The following CACNA1F variants were observed in gnomAD, a reference collection of about 807,000 sequenced individuals.
CACNA1F encodes the protein calcium voltage-gated channel subunit alpha1 F.
CACNA1F carries 59 observed loss-of-function variants against 143.8 expected under a neutral mutation model. That is an observed-to-expected ratio of 0.41 (90% CI 0.33 to 0.51). The LOEUF is 0.51. Ranked by LOEUF, CACNA1F falls within the 20% of genes least tolerant of loss-of-function variation. The pLI, the probability that CACNA1F is intolerant of heterozygous loss-of-function variation, is 0.22. For synonymous variants in CACNA1F, 643 were observed against 649.1 expected (o/e 0.99, Z 0.14); for missense variants, 1,411 against 1,647.5 (o/e 0.86, Z 2.48).
chrX:49,209,422 G>A (rs1306304062), intron 41 of CACNA1F, 29 bp from the exon 42 acceptor site: 27 of 1,200,708 alleles, frequency 2.2e-5, no homozygotes, highest in Non-Finnish European at 2.9e-5. Flanking sequence ...AGGTAAGCAG[G>A]CAGCTCAGGG....
In CACNA1F at chrX:49,224,858, T is replaced by A; in HGVS notation, c.1780A>T (p.Ile594Phe). ...RFDCFVVCGG[I>F]LETTLVEVGA... ...ACCTCCACCAAGGTGGTCTCTAGGATGCCCCCACAGACCACAAAGCAGTCA... is the reference window on the plus strand; with the variant it reads ...ACCTCCACCAAGGTGGTCTCTAGGAAGCCCCCACAGACCACAAAGCAGTCA... Residue 594 changes from isoleucine (I) to phenylalanine (F), a missense_variant, in exon 14 of 48, where the codon ATC (isoleucine) becomes TTC (phenylalanine). This residue lies in a region of CACNA1F where 950 missense variants were observed against 1,128.1 expected (regional missense o/e 0.84). Transcript: ENST00000323022. 8.3e-7 allele frequency: 1 copy of A among 1,201,893 alleles called. No individual in the cohort carries two copies. The highest frequency in any genetic ancestry group is 3.0e-5 in the East Asian group (1 of 33,599).
In CACNA1F at chrX:49,216,461, T is replaced by G; in HGVS notation, c.3157A>C (p.Asn1053His). 8.3e-7 allele frequency: 1 copy of G among 1,207,639 alleles called. No individual in the cohort carries two copies. The highest frequency in any genetic ancestry group is 2.3e-4 in the Middle Eastern group (1 of 4,348). Residue 1053 changes from asparagine to histidine, a missense_variant, in exon 27 of 48, where the codon AAC becomes CAC. By Grantham distance (68) the Asn-to-His change is moderately conservative. This residue lies in a region of CACNA1F where 950 missense variants were observed against 1,128.1 expected (regional missense o/e 0.84). Coordinates refer to ENST00000323022, the MANE Select transcript of CACNA1F (RefSeq NM_001256789.3). ...RPLVRERLWV[N>H]SDFNFDNVLS... ...ACATTGTCAAAGTTGAAATCACTGT[T>G]GACCCAGAGCCGCTCCCGGACCAGG... is the stretch of plus-strand genomic sequence containing the variant.
At position 49,226,026 on chromosome X, in the gene CACNA1F, G is replaced by A. The variant is rs782544445; in HGVS notation, c.1534C>T (p.Arg512Cys). The change falls in exon 13 of 48, where the codon CGT becomes TGT. Residue 512 changes from arginine (R) to cysteine (C), a missense_variant. Transcript: ENST00000323022. ...RANRVLRARC[R>C]RAVKSNACYW... is the part of the protein sequence containing the mutation. Reference sequence around the variant, plus strand: ...CAGGCATTGGACTTCACTGCCCGACGGCAGCGTGCCCGAAGGACCCGGTTG... The same window carrying A: ...CAGGCATTGGACTTCACTGCCCGACAGCAGCGTGCCCGAAGGACCCGGTTG... 15 of 1,187,377 alleles carry A rather than the reference G, an allele frequency of 1.3e-5. No individual in the cohort carries two copies. Among genetic ancestry groups the A allele is most frequent in the South Asian group, 1.8e-5 (1 of 54,097 alleles).
intron 43 of CACNA1F, among the ~76,000 whole-genome samples, chrX:49,207,725 T>C (rs2065612684): frequency 9.0e-6 from 1 of 110,580 alleles, no homozygotes; most frequent in African/African-American, 3.3e-5. Context: ...CCACCGTGCC[T>C]AGGCAAGCTA....
At chrX:49,208,413 C>CCCCCCCCCCCCCCCCCCCCA in intron 43 of CACNA1F, 102 bp downstream of exon 43, 2 of 317,255 alleles carry the variant, frequency 6.3e-6, no homozygotes, top group Non-Finnish European at 1.1e-5. Context: ...GCCTCTAGGC[C>CCCCCCCCCCCCCCCCCCCCA]CTCCCTCCCA....
At position 49,205,151 on chromosome X, in the gene CACNA1F, C is replaced by T. The variant is rs782793473; in HGVS notation, c.5887G>A (p.Val1963Ile). The change falls in exon 48 of 48, where the codon GTC (valine) becomes ATC (isoleucine). Residue 1963 changes from valine to isoleucine, a missense_variant. Physicochemically the swap from Val to Ile is conservative, Grantham distance 29. Coordinates refer to ENST00000323022, the MANE Select transcript of CACNA1F (RefSeq NM_001256789.3). ...GGGGTGGGAATTCAGAGGGCGTGGA[C>T]GCAGGCCATCTCGTCTCCCAAGTCC... The part of the protein sequence containing the change: ...EEDLGDEMAC[V>I]HAL The T allele has an allele frequency of 6.6e-6, 8 of 1,206,591 alleles. No homozygotes were observed. Among genetic ancestry groups the T allele is most frequent in the Middle Eastern group, 2.3e-4 (1 of 4,317 alleles).
At chrX:49,207,911 A>T (rs1557105282) in intron 43 of CACNA1F, among the ~76,000 whole-genome samples, 1 of 107,906 alleles carries the variant, frequency 9.3e-6, no homozygotes, top group Non-Finnish European at 1.9e-5. Context: ...CGAAGTGACT[A>T]GGCAGGGCAC....
intron 14 of CACNA1F, among the ~76,000 whole-genome samples, chrX:49,223,342 C>A (rs188045419): frequency 9.1e-6 from 1 of 109,644 alleles, no homozygotes; most frequent in Admixed American, 9.7e-5. Flanking sequence ...TGGTGGCTCA[C>A]GCCTGTAATC....
Position 49,230,891 on chromosome X carries a change from G to A in CACNA1F, c.480C>T (p.Arg160=). Residue 160 remains arginine (R), a synonymous_variant, in exon 4 of 48, where the codon CGC becomes CGT. Coordinates refer to ENST00000323022, the MANE Select transcript of CACNA1F (RefSeq NM_001256789.3). ...GLVLHPSAYI[R]NGWNLLDFII... is the part of the protein sequence containing the mutation. ...TGAAGTCGAGTAGGTTCCAGCCATT[G>A]CGGATGTAGGCGCTGGGGTGGAGCA... 8.4e-7 allele frequency: 1 copy of A among 1,186,843 alleles called. No homozygotes were observed. The highest frequency in any genetic ancestry group is 1.1e-6 in the Non-Finnish European group (1 of 882,247).
At chrX:49,219,887 T>C in intron 19 of CACNA1F, 97 bp from the exon 20 acceptor site, 1 of 550,744 alleles carries the variant, frequency 1.8e-6, no homozygotes. Flanking sequence ...CCCATTTCCC[T>C]GCTAGAATGT....
In CACNA1F at chrX:49,206,820, G is replaced by A. The variant is rs782529006; in HGVS notation, c.5267C>T (p.Pro1756Leu). The part of the protein sequence containing the change: ...SYLDEQAGTP[P>L]CSVLLPPHRA... ...GTGAGGTGGCAAAAGGACTGAGCAC[G>A]GGGGAGTCCCTGCCTGCTCATCTAG... Residue 1756 changes from proline (P) to leucine (L), a missense_variant, in exon 45 of 48, where the codon CCG (proline) becomes CTG (leucine). Physicochemically the swap from Pro to Leu is moderately conservative, Grantham distance 98. Transcript: ENST00000323022. 7.5e-6 allele frequency: 9 copies of A among 1,206,464 alleles called. No homozygotes were observed. Among genetic ancestry groups the A allele is most frequent in the South Asian group, 7.1e-5 (4 of 56,182 alleles).
intron 1 of CACNA1F, 114 bp downstream of exon 1, chrX:49,233,171 T>A: frequency 1.5e-6 from 1 of 670,556 alleles, no homozygotes; most frequent in Non-Finnish European, 2.3e-6. Flanking sequence ...AACAGGGTGA[T>A]GTGGTTCTTG....
At chrX:49,233,104 G>A in intron 1 of CACNA1F, 181 bp downstream of exon 1, 1 of 482,988 alleles carries the variant, frequency 2.1e-6, no homozygotes, top group Non-Finnish European at 3.7e-6. Context: ...GTCTGGGTCA[G>A]GCTGAGCGTT....
chrX:49,230,319 T>C lies in CACNA1F; in HGVS notation c.718A>G (p.Ile240Val). The change falls in exon 6 of 48, where the codon ATT (isoleucine) becomes GTT (valine). Residue 240 changes from isoleucine (I) to valine (V), a missense_variant. Ile to Val is a conservative substitution (Grantham distance 29). Coordinates refer to ENST00000323022, the MANE Select transcript of CACNA1F (RefSeq NM_001256789.3). ...IMKALVPLLH[I>V]ALLVLFVIII... ...ATGACGAAGAGCACGAGCAGTGCAA[T>C]GTGCAGCAGCGGCACCAGAGCCTTC... 8.3e-7 allele frequency: 1 copy of C among 1,208,519 alleles called. No individual in the cohort carries two copies. Among genetic ancestry groups the C allele is most frequent in the Non-Finnish European group, 1.1e-6 (1 of 893,402 alleles).
chrX:49,225,315 C>A (rs377289480), intron 13 of CACNA1F, among the ~76,000 whole-genome samples: 2 of 110,952 alleles, frequency 1.8e-5, no homozygotes, highest in East Asian at 5.6e-4. Context: ...TAGAAATGTG[C>A]TCGGTATTCA....
chrX:49,208,493 A>G (rs782329680), intron 43 of CACNA1F, 22 bp downstream of exon 43: 1 of 1,182,178 alleles, frequency 8.5e-7, no homozygotes, highest in East Asian at 3.0e-5. Flanking sequence ...CTCACAATCT[A>G]CTTCCAGACA....
In CACNA1F at chrX:49,226,256, G is replaced by T; in HGVS notation, c.1464-13C>A. ...CATGATCTTGTTTCTGAAAAAGAAG[G>T]GGGATGGGAGGTGTGTGTCGTAAAG... is the stretch of plus-strand genomic sequence containing the variant. On this transcript the variant is annotated splice_polypyrimidine_tract_variant and intron_variant, in intron 11 of 47. Coordinates refer to ENST00000323022, the MANE Select transcript of CACNA1F (RefSeq NM_001256789.3). 1.7e-6 allele frequency: 2 copies of T among 1,201,011 alleles called. No homozygotes were observed. Among genetic ancestry groups the T allele is most frequent in the South Asian group, 3.5e-5 (2 of 56,638 alleles).
chrX:49,211,292 T>C, intron 36 of CACNA1F, 30 bp downstream of exon 36: 9 of 1,203,351 alleles, frequency 7.5e-6, no homozygotes, highest in Non-Finnish European at 1.0e-5. Context: ...CCCGTGACGG[T>C]GGTGGTGGTT....
At chrX:49,227,957 G>T in intron 8 of CACNA1F, 79 bp downstream of exon 8, 1 of 650,688 alleles carries the variant, frequency 1.5e-6, no homozygotes, top group Non-Finnish European at 2.5e-6. Flanking sequence ...GGTTTTGAAG[G>T]ATGTCTAGGA....
Sources: allele counts gnomAD v4.1 joint callset (sites outside exome capture counted in the v4.1 genomes callset), GRCh38; gene constraint gnomAD v4.1.1; regional missense constraint gnomAD v4.1.1; transcripts MANE v1.5; gene names NCBI Gene and HGNC (gene_info 2026-07-23, HGNC 2026-07-21).